The following GOLM1 variants were observed in gnomAD, a reference collection of about 807,000 sequenced individuals.
The protein encoded by GOLM1 is golgi membrane protein 1, also known as epididymis luminal protein 46.
Under a neutral mutation model 50.5 loss-of-function variants are expected in GOLM1, and 31 were observed. That is an observed-to-expected ratio of 0.61 (90% CI 0.46 to 0.83). The LOEUF (loss-of-function observed/expected upper bound fraction) is 0.83, where lower values mean the gene tolerates loss of function less well. Ranked by LOEUF, GOLM1 falls within the 40% of genes least tolerant of loss-of-function variation. The probability of loss-of-function intolerance (pLI) is 0.00; values close to 1 mark genes in which losing one functional copy is unlikely to be tolerated. For missense variants in GOLM1, 491 were observed against 501.3 expected, an observed-to-expected ratio of 0.98 and a Z score of 0.20; for synonymous variants, 178 against 192.8, an observed-to-expected ratio of 0.92 and a Z score of 0.64.
intron 3 of GOLM1, among the ~76,000 whole-genome samples, chr9:86,067,124 C>CG (rs1554673587): frequency 1.3e-5 from 2 of 152,116 alleles, no homozygotes; most frequent in Non-Finnish European, 1.5e-5. Context: ...TTAGTAGAGA[C>CG]GGCATTTCGC....
intron 3 of GOLM1, among the ~76,000 whole-genome samples, chr9:86,056,804 A>G (rs1698321561): frequency 6.6e-6 from 1 of 151,300 alleles, no homozygotes; most frequent in Non-Finnish European, 1.5e-5. Context: ...GCACCCAGCC[A>G]AAAAAAAATT....
At chr9:86,033,427 A>G (rs1244498171) in intron 8 of GOLM1, 32 bp from the exon 9 acceptor site, 2 of 1,314,024 alleles carry the variant, frequency 1.5e-6, no homozygotes, top group East Asian at 2.3e-5. Context: ...CATAAGCTAC[A>G]TCATTTCTGT....
chr9:86,079,201 C>T lies in GOLM1; in HGVS notation c.120G>A (p.Val40=). The T allele has an allele frequency of 1.3e-6, 2 of 1,575,032 alleles. No homozygotes were observed. The highest frequency in any genetic ancestry group is 1.7e-6 in the Non-Finnish European group (2 of 1,162,704). ...AAAGAAAACAAAACACCTGGAGGTCCACGCTCCGGGAGCTCGCAATCCAGT... is the reference window on the plus strand; with the variant it reads ...AAAGAAAACAAAACACCTGGAGGTCTACGCTCCGGGAGCTCGCAATCCAGT... The part of the protein sequence containing the change: ...FNYWIASSRS[V]DLQTRIMELE... Residue 40 remains valine (V), a synonymous_variant, in exon 2 of 10, where the codon GTG becomes GTA. Coordinates refer to ENST00000388712, the MANE Select transcript of GOLM1 (RefSeq NM_016548.4).
chr9:86,027,479 G>GTTAAT lies in GOLM1; in HGVS notation c.*333_*337dup. 9.1e-7 allele frequency: 1 copy of GTTAAT among 1,099,514 alleles called. No individual in the cohort carries two copies. The highest frequency in any genetic ancestry group is 1.1e-6 in the Non-Finnish European group (1 of 902,106). 68.1% of individuals were successfully genotyped at this position (1,099,514 alleles called of 1,614,324 possible). On this transcript the variant is annotated 3_prime_UTR_variant, in exon 10 of 10. Transcript: ENST00000388712. ...CAGATGGACTCTTCTATAGGTGGCT[G>GTTAAT]TTAATTTACACAAAGTTATATTCCA...
intron 1 of GOLM1, among the ~76,000 whole-genome samples, chr9:86,084,364 G>C (rs779278115): frequency 1.3e-5 from 2 of 152,152 alleles, no homozygotes; most frequent in Non-Finnish European, 2.9e-5. Context: ...TGGTATCCCT[G>C]ATAATGAGGC....
chr9:86,053,004 C>T (rs566305978), intron 3 of GOLM1, among the ~76,000 whole-genome samples: 15 of 151,584 alleles, frequency 9.9e-5, no homozygotes, highest in African/African-American at 2.2e-4. Flanking sequence ...CCAAACCACA[C>T]CACACACACC....
At chr9:86,057,136 C>G (rs1055071086) in intron 3 of GOLM1, among the ~76,000 whole-genome samples, 4 of 152,188 alleles carry the variant, frequency 2.6e-5, no homozygotes, top group African/African-American at 7.2e-5. Context: ...CAGAAATTAA[C>G]TGGAAACTAA....
Position 86,088,568 on chromosome 9 carries a change from TTTTG to T in GOLM1, c.-21-9231_-21-9228del, listed in dbSNP as rs1440016847. Among the ~76,000 whole-genome samples the T allele has an allele frequency of 3.7e-3, 222 of 60,168 alleles. 1 individual carries two copies. Among genetic ancestry groups the T allele is most frequent in the Non-Finnish European group, 4.2e-3 (143 of 34,138 alleles). 39.5% of individuals were successfully genotyped at this position (60,168 alleles called of 152,430 possible). A position where few individuals can be genotyped will look rare whatever the true frequency, so the allele number is the denominator to read the frequency against. On this transcript the variant is annotated intron_variant, in intron 1 of 9. Coordinates refer to ENST00000388712, the MANE Select transcript of GOLM1 (RefSeq NM_016548.4). ...TTTTTCAGAGGATTGCAACTCCTGGTTTTGTTTTTTTTTTTTTTTTGTTTTGTTT... is the reference window on the plus strand; with the variant it reads ...TTTTTCAGAGGATTGCAACTCCTGGTTTTTTTTTTTTTTTTTGTTTTGTTT...
chr9:86,036,718 A>G, intron 6 of GOLM1: 2 of 579,690 alleles, frequency 3.5e-6, no homozygotes, highest in Admixed American at 6.2e-5. Flanking sequence ...CCCAGAAAGT[A>G]CTGTCAATAC....
At chr9:86,079,141 T>G (rs1834710858) in intron 2 of GOLM1, 51 bp downstream of exon 2, 1 of 1,449,838 alleles carries the variant, frequency 6.9e-7, no homozygotes, top group East Asian at 2.5e-5. Flanking sequence ...CATAACAAAA[T>G]AAACAAAACA....
At chr9:86,090,536 T>A (rs1481687612) in intron 1 of GOLM1, among the ~76,000 whole-genome samples, 1 of 152,072 alleles carries the variant, frequency 6.6e-6, no homozygotes, top group African/African-American at 2.4e-5. Context: ...CTTTACACTG[T>A]GAGAGGAAAA....
At chr9:86,087,619 ATACC>A in intron 1 of GOLM1, among the ~76,000 whole-genome samples, 1 of 152,316 alleles carries the variant, frequency 6.6e-6, no homozygotes, top group Middle Eastern at 3.4e-3. Context: ...CATTCCATCA[ATACC>A]TAGTTTATTG....
intron 5 of GOLM1, among the ~76,000 whole-genome samples, chr9:86,044,660 A>G (rs1481310728): frequency 1.3e-5 from 2 of 152,246 alleles, no homozygotes; most frequent in Admixed American, 1.3e-4. Flanking sequence ...AAATTAAAAA[A>G]TAAGAGGCTG....
At chr9:86,062,112 C>T (rs1021049738) in intron 3 of GOLM1, among the ~76,000 whole-genome samples, 2 of 152,196 alleles carry the variant, frequency 1.3e-5, no homozygotes, top group East Asian at 1.9e-4. Context: ...CAACACATCC[C>T]TGTGTTGTCA....
In GOLM1 at chr9:86,079,194, G is replaced by C. The variant is rs893115276; in HGVS notation, c.127C>G (p.Gln43Glu). 2.6e-6 allele frequency: 4 copies of C among 1,563,938 alleles called. No individual in the cohort carries two copies. Among genetic ancestry groups the C allele is most frequent in the Admixed American group, 2.1e-5 (1 of 48,316 alleles). Residue 43 changes from glutamine to glutamate, a missense_variant and splice_region_variant, in exon 2 of 10, where the codon CAG becomes GAG. Physicochemically the swap from Gln to Glu is conservative, Grantham distance 29. Transcript: ENST00000388712. Reference protein sequence around the residue: ...WIASSRSVDLQTRIMELEGRV... With the variant: ...WIASSRSVDLETRIMELEGRV... Reference sequence around the variant, plus strand: ...TAACAATAAAGAAAACAAAACACCTGGAGGTCCACGCTCCGGGAGCTCGCA... The same window carrying C: ...TAACAATAAAGAAAACAAAACACCTCGAGGTCCACGCTCCGGGAGCTCGCA...
chr9:86,075,332 C>T (rs1056329248), intron 3 of GOLM1, among the ~76,000 whole-genome samples: 11 of 152,262 alleles, frequency 7.2e-5, no homozygotes, highest in African/African-American at 2.7e-4. Flanking sequence ...TGGCTTACGA[C>T]TGCGCCCACC....
In GOLM1 at chr9:86,080,646, T is replaced by C. The variant is rs184683712; in HGVS notation, c.-21-1305A>G. Among the ~76,000 whole-genome samples, 265 of 152,116 alleles carry C rather than the reference T, an allele frequency of 1.7e-3. 1 individual carries two copies. The highest frequency in any genetic ancestry group is 5.6e-3 in the African/African-American group (232 of 41,512). On this transcript the variant is annotated intron_variant, in intron 1 of 9. Coordinates refer to ENST00000388712, the MANE Select transcript of GOLM1 (RefSeq NM_016548.4). ...TTTTTTCTTAACAGCTAGCTACTAG[T>C]ATGGGGGCCTGCCAGGGGATAAAGA... is the stretch of plus-strand genomic sequence containing the variant.
rs1000464080 is a variant in GOLM1 at position 86,092,718 on chromosome 9, C to T, written c.-22+6693G>A. Among the ~76,000 whole-genome samples the T allele has an allele frequency of 3.3e-5, 5 of 152,220 alleles. No individual in the cohort carries two copies. The East Asian group carries it at 7.7e-4, about 23-fold the overall frequency. Reference sequence around the variant, plus strand: ...GGTGCCTCCTCACAGGCTTCCAGGACTGTAGAAACCCTTGCTGCTGAAGGA... The same window carrying T: ...GGTGCCTCCTCACAGGCTTCCAGGATTGTAGAAACCCTTGCTGCTGAAGGA... On this transcript the variant is annotated intron_variant, in intron 1 of 9. Transcript: ENST00000388712.
intron 6 of GOLM1, among the ~76,000 whole-genome samples, chr9:86,038,110 C>T (rs886702833): frequency 1.5e-4 from 22 of 150,118 alleles, no homozygotes; most frequent in African/African-American, 3.9e-4. Flanking sequence ...GCCAAGATTG[C>T]GCCATTGCAC....
Sources: gnomAD v4.1 joint callset for allele counts (sites outside exome capture counted in the v4.1 genomes callset) on GRCh38, gnomAD v4.1.1 for gene constraint, MANE v1.5 for transcripts, NCBI Gene and HGNC (gene_info 2026-07-23, HGNC 2026-07-21) for gene names.